The following TUB variants were observed in gnomAD, a reference collection of about 807,000 sequenced individuals.
The protein encoded by TUB is tubby protein homolog.
TUB carries 33 observed loss-of-function variants against 59.7 expected under a neutral mutation model. The observed-to-expected ratio is 0.55, with a 90% CI of 0.42 to 0.74. The LOEUF is 0.74. TUB is among the 30% of genes least tolerant of loss of function. The probability of loss-of-function intolerance (pLI) is 0.00; values close to 1 mark genes in which losing one functional copy is unlikely to be tolerated. For missense variants in TUB, 659 were observed against 672.0 expected, an observed-to-expected ratio of 0.98 and a Z score of 0.21; for synonymous variants, 293 against 256.4, an observed-to-expected ratio of 1.14 and a Z score of -1.36.
At chr11:8,073,468 CAT>C (rs1005985095) in intron 2 of TUB, among the ~76,000 whole-genome samples, 3 of 152,146 alleles carry the variant, frequency 2.0e-5, no homozygotes, top group Non-Finnish European at 2.9e-5. Flanking sequence ...AACACAAACT[CAT>C]AGGCTTTTCT....
intron 9 of TUB, among the ~76,000 whole-genome samples, chr11:8,100,175 T>C (rs768815005): frequency 9.9e-5 from 15 of 152,062 alleles, no homozygotes; most frequent in Non-Finnish European, 2.1e-4. Context: ...CTGGGTATAA[T>C]TGGAAGGTGG....
rs1235876844 is a variant in TUB at position 8,102,655 on chromosome 11, A to G, written c.*1036A>G. On this transcript the variant is annotated 3_prime_UTR_variant, in exon 12 of 12. Coordinates refer to ENST00000299506, the MANE Select transcript of TUB (RefSeq NM_177972.3). Reference sequence around the variant, plus strand: ...CTTTCTCACTGCTGTCAGCCAAGTCATGGTTGGTAACCATGTAGGTTCTTG... The same window carrying G: ...CTTTCTCACTGCTGTCAGCCAAGTCGTGGTTGGTAACCATGTAGGTTCTTG... 1 of 152,234 alleles carries G rather than the reference A, an allele frequency of 6.6e-6. No individual in the cohort carries two copies. Among genetic ancestry groups the G allele is most frequent in the Non-Finnish European group, 1.5e-5 (1 of 68,056 alleles). 9.4% of individuals were successfully genotyped at this position (152,234 alleles called of 1,614,324 possible).
intron 1 of TUB, among the ~76,000 whole-genome samples, chr11:8,082,913 T>G (rs1213116173): frequency 1.3e-5 from 2 of 152,144 alleles, no homozygotes; most frequent in Non-Finnish European, 2.9e-5. Flanking sequence ...CCCTCACACG[T>G]GCGCACATAC....
intron 4 of TUB, 79 bp downstream of exon 4, chr11:8,094,268 T>A: frequency 6.8e-7 from 1 of 1,476,548 alleles, no homozygotes; most frequent in Non-Finnish European, 9.1e-7. Flanking sequence ...TCCTCCTGAC[T>A]TGGAGGGGAG....
upstream of TUB, among the ~76,000 whole-genome samples, chr11:8,038,140 A>T (rs139379386): frequency 5.6e-4 from 86 of 152,216 alleles, no homozygotes; most frequent in African/African-American, 1.8e-3. Context: ...GAATGTTCAG[A>T]CTCACAGGAA....
At chr11:8,020,011 G>A (rs1437421104) in intron 1 of TUB, among the ~76,000 whole-genome samples, 1 of 152,206 alleles carries the variant, frequency 6.6e-6, no homozygotes, top group African/African-American at 2.4e-5. Flanking sequence ...CCACGCACTC[G>A]TCCTGGAGGA....
intron 2 of TUB, among the ~76,000 whole-genome samples, chr11:8,070,086 A>G (rs1478165628): frequency 6.6e-6 from 1 of 152,128 alleles, no homozygotes; most frequent in African/African-American, 2.4e-5. Flanking sequence ...CACGTTCACA[A>G]ACCATCTTGG....
At chr11:8,024,646 T>G (rs1362019098) in intron 1 of TUB, among the ~76,000 whole-genome samples, 1 of 152,208 alleles carries the variant, frequency 6.6e-6, no homozygotes, top group Non-Finnish European at 1.5e-5. Flanking sequence ...ATAAATAATT[T>G]TGTGTTGAAC....
At chr11:8,075,131 C>T (rs1589951980) in intron 2 of TUB, among the ~76,000 whole-genome samples, 1 of 150,152 alleles carries the variant, frequency 6.7e-6, no homozygotes, top group Non-Finnish European at 1.5e-5. Flanking sequence ...TTAAAGGAGT[C>T]CTAATTAATA....
At chr11:8,057,362 GGA>G (rs1943036808) in intron 2 of TUB, among the ~76,000 whole-genome samples, 1 of 152,172 alleles carries the variant, frequency 6.6e-6, no homozygotes, top group African/African-American at 2.4e-5. Flanking sequence ...AGATGAACTG[GGA>G]GAGAGGGGAG....
intron 2 of TUB, among the ~76,000 whole-genome samples, chr11:8,044,059 A>G (rs891061190): frequency 6.6e-6 from 1 of 151,190 alleles, no homozygotes; most frequent in Non-Finnish European, 1.5e-5. Flanking sequence ...ATGTCTTGGT[A>G]TAGTTTTCTT....
intron 2 of TUB, chr11:8,039,735 C>A: frequency 2.0e-6 from 3 of 1,470,132 alleles, no homozygotes; most frequent in East Asian, 2.6e-5. Flanking sequence ...TGGGAAAGGG[C>A]CAACCACAGG....
chr11:8,036,504 G>C (rs954435339), upstream of TUB, among the ~76,000 whole-genome samples: 2 of 152,196 alleles, frequency 1.3e-5, no homozygotes, highest in African/African-American at 4.8e-5. Context: ...CACTGTGACC[G>C]ACTGAAGAGT....
chr11:8,053,132 T>G (rs1261817170), intron 2 of TUB, among the ~76,000 whole-genome samples: 2 of 152,222 alleles, frequency 1.3e-5, no homozygotes, highest in Admixed American at 1.3e-4. Flanking sequence ...CTTTGGTATC[T>G]GTTAAAACTT....
intron 2 of TUB, among the ~76,000 whole-genome samples, chr11:8,061,819 C>A (rs900894754): frequency 4.6e-5 from 7 of 152,120 alleles, no homozygotes; most frequent in African/African-American, 1.7e-4. Flanking sequence ...TCCCCCAGCT[C>A]TCTTGCTACT....
At position 8,100,838 on chromosome 11, in the gene TUB, C is replaced by G. The variant is rs1304963058; in HGVS notation, c.1228C>G (p.Leu410Val). ...GCTGCCCTCCCAGGAGCATGAGACACTGCTAGCACGCTGGCAGAATAAGAA... is the reference window on the plus strand; with the variant it reads ...GCTGCCCTCCCAGGAGCATGAGACAGTGCTAGCACGCTGGCAGAATAAGAA... ...SIRPRNEHET[L>V]LARWQNKNTE... The change falls in exon 11 of 12, where the codon CTG becomes GTG. Residue 410 changes from leucine to valine, a missense_variant. Physicochemically the swap from Leu to Val is conservative, Grantham distance 32. Transcript: ENST00000299506. The G allele has an allele frequency of 1.2e-6, 2 of 1,614,098 alleles. No individual in the cohort carries two copies. The highest frequency in any genetic ancestry group is 1.7e-5 in the Admixed American group (1 of 60,020).
intron 2 of TUB, among the ~76,000 whole-genome samples, chr11:8,064,272 T>C (rs1366129593): frequency 5.3e-5 from 8 of 152,192 alleles, no homozygotes; most frequent in African/African-American, 1.7e-4. Context: ...TGTCCCCACC[T>C]TGATGGACTG....
At chr11:8,092,422 T>G (rs2133842853) in intron 3 of TUB, among the ~76,000 whole-genome samples, 1 of 152,274 alleles carries the variant, frequency 6.6e-6, no homozygotes, top group African/African-American at 2.4e-5. Flanking sequence ...AGATAGTTTC[T>G]GGTCGTGCCA....
At chr11:8,050,585 A>C (rs1942918706) in intron 2 of TUB, among the ~76,000 whole-genome samples, 2 of 152,110 alleles carry the variant, frequency 1.3e-5, no homozygotes, top group South Asian at 4.1e-4. Flanking sequence ...GCATCTTTTC[A>C]TTCATGTATT....
Sources: gnomAD v4.1 joint callset for allele counts (sites outside exome capture counted in the v4.1 genomes callset) on GRCh38, gnomAD v4.1.1 for gene constraint, MANE v1.5 for transcripts, NCBI Gene and HGNC (gene_info 2026-07-23, HGNC 2026-07-21) for gene names.